Variants in MAF observed in about 807,000 individuals in gnomAD.
The protein encoded by MAF is transcription factor Maf.
MAF carries 10 observed loss-of-function variants against 22.0 expected under a neutral mutation model. The ratio of observed to expected loss-of-function variants is 0.45; its 90% CI spans 0.28 to 0.77. The LOEUF (loss-of-function observed/expected upper bound fraction) is 0.77. Ranked by LOEUF, MAF falls within the 30% of genes least tolerant of loss-of-function variation. The pLI is 0.12. For missense variants in MAF, 544 were observed against 548.4 expected, an observed-to-expected ratio of 0.99 and a Z score of 0.08; for synonymous variants, 337 against 255.8, an observed-to-expected ratio of 1.32 and a Z score of -3.03.
the MAF span, among the ~76,000 whole-genome samples, chr16:79,490,074 T>C: frequency 1.3e-5 from 2 of 152,172 alleles, no homozygotes; most frequent in East Asian, 3.9e-4. Context: ...TACACCTGTG[T>C]GTGGCAAGGT....
the MAF span, among the ~76,000 whole-genome samples, chr16:79,223,631 A>G: frequency 1.7e-4 from 26 of 152,362 alleles, no homozygotes; most frequent in Non-Finnish European, 3.2e-4. Context: ...ATAAAGAAGA[A>G]AAGAGGGAAG....
chr16:79,325,170 C>A, the MAF span, among the ~76,000 whole-genome samples: 2 of 152,268 alleles, frequency 1.3e-5, no homozygotes, highest in African/African-American at 4.8e-5. Context: ...AGGTTCTGGG[C>A]AACATGTCTT....
At chr16:79,540,205 C>T in the MAF span, among the ~76,000 whole-genome samples, 2 of 151,638 alleles carry the variant, frequency 1.3e-5, no homozygotes, top group African/African-American at 2.4e-5. Context: ...AGACAGGTTA[C>T]GTGATGAAGA....
At chr16:79,290,089 C>T in the MAF span, among the ~76,000 whole-genome samples, 1 of 152,118 alleles carries the variant, frequency 6.6e-6, no homozygotes, top group South Asian at 2.1e-4. Flanking sequence ...TATCTCTTGA[C>T]CTTGTGATCC....
At chr16:79,403,338 A>G in the MAF span, among the ~76,000 whole-genome samples, 1 of 152,200 alleles carries the variant, frequency 6.6e-6, no homozygotes, top group East Asian at 1.9e-4. Context: ...ATGGGTAGAA[A>G]TCACAAGCTC....
chr16:79,268,729 C>CAT, the MAF span, among the ~76,000 whole-genome samples: 1 of 152,320 alleles, frequency 6.6e-6, no homozygotes, highest in East Asian at 1.9e-4. Context: ...CCACCAACTC[C>CAT]ATATATCAGT....
At chr16:79,557,056 G>A in the MAF span, among the ~76,000 whole-genome samples, 3 of 150,676 alleles carry the variant, frequency 2.0e-5, no homozygotes, top group African/African-American at 4.9e-5. Context: ...AGGCTCAAGT[G>A]ATCCTCCCAG....
At chr16:79,367,979 T>C in the MAF span, among the ~76,000 whole-genome samples, 6 of 152,194 alleles carry the variant, frequency 3.9e-5, no homozygotes, top group Admixed American at 3.3e-4. Flanking sequence ...TGGGATGCTC[T>C]ACGTCATCAC....
the MAF span, among the ~76,000 whole-genome samples, chr16:79,525,339 C>A: frequency 5.3e-5 from 8 of 152,114 alleles, no homozygotes; most frequent in Non-Finnish European, 4.4e-5. Context: ...TCTGACTTGG[C>A]AAGACAACAG....
At chr16:79,570,377 C>A in the MAF span, among the ~76,000 whole-genome samples, 6 of 152,198 alleles carry the variant, frequency 3.9e-5, no homozygotes, top group African/African-American at 1.4e-4. Flanking sequence ...TCCTTATTAA[C>A]CCAGCCATGT....
the MAF span, among the ~76,000 whole-genome samples, chr16:79,521,993 AT>A: frequency 6.6e-6 from 1 of 152,180 alleles, no homozygotes. Context: ...AGCCAGGAAA[AT>A]GGCAATTGCA....
the MAF span, among the ~76,000 whole-genome samples, chr16:79,304,566 G>A: frequency 6.6e-6 from 1 of 152,078 alleles, no homozygotes; most frequent in Non-Finnish European, 1.5e-5. Context: ...ATAAGTTGGA[G>A]ACAAAAGGAA....
At chr16:79,588,058 C>G (rs1254468941) in intron 1 of MAF, among the ~76,000 whole-genome samples, 1 of 152,174 alleles carries the variant, frequency 6.6e-6, no homozygotes, top group African/African-American at 2.4e-5. Context: ...CACATGTCTA[C>G]GAGCACATAG....
the MAF span, among the ~76,000 whole-genome samples, chr16:79,467,157 T>C: frequency 6.6e-6 from 1 of 152,158 alleles, no homozygotes; most frequent in Middle Eastern, 3.4e-3. Flanking sequence ...CCTCCAAGGG[T>C]CCCTCCCAAA....
chr16:79,238,068 C>A, the MAF span, among the ~76,000 whole-genome samples: 136 of 152,208 alleles, frequency 8.9e-4, 1 homozygote, highest in East Asian at 6.6e-3. Flanking sequence ...CCCAGGCATG[C>A]GGTTCTTTTT....
the MAF span, among the ~76,000 whole-genome samples, chr16:79,568,580 C>T: frequency 1.3e-5 from 2 of 152,130 alleles, no homozygotes; most frequent in African/African-American, 4.8e-5. Context: ...TTTTTAGTGG[C>T]CACATGCACT....
At chr16:79,367,037 T>C in the MAF span, among the ~76,000 whole-genome samples, 1 of 152,216 alleles carries the variant, frequency 6.6e-6, no homozygotes, top group Admixed American at 6.5e-5. Flanking sequence ...GGTTTTTTTT[T>C]CCTTTTGTGT....
At chr16:79,220,333 A>C in the MAF span, among the ~76,000 whole-genome samples, 1 of 152,136 alleles carries the variant, frequency 6.6e-6, no homozygotes, top group Non-Finnish European at 1.5e-5. Context: ...AGAAAAACAC[A>C]TGTGCCCATA....
chr16:79,420,862 C>T, the MAF span, among the ~76,000 whole-genome samples: 1 of 152,050 alleles, frequency 6.6e-6, no homozygotes, highest in African/African-American at 2.4e-5. Flanking sequence ...AAACCCCTGC[C>T]GTCTCTACTA....
Sources: allele counts gnomAD v4.1 joint callset (sites outside exome capture counted in the v4.1 genomes callset), GRCh38; gene constraint gnomAD v4.1.1; transcripts MANE v1.5; gene names NCBI Gene and HGNC (gene_info 2026-07-23, HGNC 2026-07-21).